Variants in DNAH3 observed in about 807,000 individuals in gnomAD.
The protein encoded by DNAH3 is dynein axonemal heavy chain 3, also known as axonemal beta dynein heavy chain 3.
Under a neutral mutation model 432.5 loss-of-function variants are expected in DNAH3, and 332 were observed. The ratio of observed to expected loss-of-function variants is 0.77; its 90% confidence interval spans 0.70 to 0.84. DNAH3 has a LOEUF of 0.84. Among genes scored for constraint, DNAH3 ranks in the 40% least tolerant of loss-of-function variants. DNAH3 has a pLI of 0.00. For missense variants in DNAH3, 4,861 were observed against 5,114.0 expected (o/e 0.95, Z 1.51); for synonymous variants, 1,956 against 1,900.2 (o/e 1.03, Z -0.76).
intron 1 of DNAH3, among the ~76,000 whole-genome samples, chr16:21,154,927 T>C (rs1195484873): frequency 6.6e-6 from 1 of 151,710 alleles, no homozygotes; most frequent in East Asian, 1.9e-4. Flanking sequence ...GCTTCAAGTT[T>C]CTCAATCTTC....
At chr16:21,134,491 T>C (rs748580981) in intron 6 of DNAH3, 37 bp from the exon 8 acceptor site, 1 of 1,579,156 alleles carries the variant, frequency 6.3e-7, no homozygotes, top group South Asian at 1.1e-5. Context: ...ATTATTAAGC[T>C]CTAAGGGTTG....
At chr16:21,134,477 C>A (rs1204575568) in intron 6 of DNAH3, 23 bp from the exon 8 acceptor site, 3 of 1,605,430 alleles carry the variant, frequency 1.9e-6, no homozygotes, top group African/African-American at 1.3e-5. Flanking sequence ...AGGGCGAACA[C>A]CTCATTATTA....
At chr16:21,109,276 A>C (rs2092016759) in intron 14 of DNAH3, among the ~76,000 whole-genome samples, 1 of 151,892 alleles carries the variant, frequency 6.6e-6, no homozygotes, top group South Asian at 2.1e-4. Context: ...TGAGGTCAAA[A>C]TGGGTTAATT....
chr16:21,062,199 G>A lies in DNAH3; in HGVS notation c.3720+283C>T, dbSNP rs144154339. 2.8e-4 allele frequency among the ~76,000 whole-genome samples: 42 copies of A among 152,158 alleles called. 1 individual carries two copies. The East Asian group carries it at 3.5e-3, about 13-fold the overall frequency. ...TGCACATGGAAATCTAAACAGCATC[G>A]GCTGTTTGGATCTGATTCCTGCAAT... On this transcript the variant is annotated intron_variant, in intron 25 of 61. Coordinates refer to ENST00000261383, the Ensembl canonical transcript of DNAH3.
intron 31 of DNAH3, 53 bp from the exon 32 acceptor site, chr16:21,042,256 C>T: frequency 1.3e-6 from 2 of 1,522,438 alleles, no homozygotes; most frequent in Non-Finnish European, 1.8e-6. Context: ...CTGACAACCA[C>T]CCTACTCTAC....
chr16:21,002,522 C>T (rs1014837332), intron 42 of DNAH3, among the ~76,000 whole-genome samples: 9 of 151,906 alleles, frequency 5.9e-5, no homozygotes, highest in Non-Finnish European at 1.5e-5. Flanking sequence ...AGTGCAATGG[C>T]GCGATCTCGG....
At chr16:21,120,591 G>A (rs1835261453) in intron 11 of DNAH3, 2 of 668,008 alleles carry the variant, frequency 3.0e-6, no homozygotes, top group South Asian at 1.7e-5. Flanking sequence ...AGGGCTGTGG[G>A]TGTCACTAGA....
At chr16:20,938,351 T>C (rs1423464627) in intron 59 of DNAH3, among the ~76,000 whole-genome samples, 2 of 151,362 alleles carry the variant, frequency 1.3e-5, no homozygotes, top group African/African-American at 2.4e-5. Flanking sequence ...GATCACGCCA[T>C]TGCACTCCAG....
intron 20 of DNAH3, among the ~76,000 whole-genome samples, chr16:21,080,530 T>C (rs1415789123): frequency 6.6e-6 from 1 of 152,228 alleles, no homozygotes; most frequent in African/African-American, 2.4e-5. Flanking sequence ...TAATTCAGAC[T>C]AGCTGCACTG....
At chr16:20,979,048 G>T (rs1477224457) in intron 50 of DNAH3, among the ~76,000 whole-genome samples, 1 of 150,922 alleles carries the variant, frequency 6.6e-6, no homozygotes, top group Non-Finnish European at 1.5e-5. Context: ...AAACTTAAGG[G>T]GTCATTAAAA....
chr16:20,937,856 G>A (rs966206062), intron 59 of DNAH3, among the ~76,000 whole-genome samples: 1 of 151,958 alleles, frequency 6.6e-6, no homozygotes, highest in Non-Finnish European at 1.5e-5. Flanking sequence ...TAAGGTGCAC[G>A]CCTGAGAAAA....
chr16:21,001,474 C>T (rs962022050), intron 42 of DNAH3, among the ~76,000 whole-genome samples: 9 of 152,082 alleles, frequency 5.9e-5, no homozygotes, highest in African/African-American at 1.7e-4. Context: ...AAAACTGGAC[C>T]GTGATGCAAA....
chr16:21,154,061 G>C (rs1230815667), intron 1 of DNAH3, among the ~76,000 whole-genome samples: 1 of 152,176 alleles, frequency 6.6e-6, no homozygotes, highest in African/African-American at 2.4e-5. Flanking sequence ...TACTGGGTGT[G>C]AAACCTCATG....
At chr16:21,132,553 C>T (rs780126139) in intron 7 of DNAH3, among the ~76,000 whole-genome samples, 37 of 152,108 alleles carry the variant, frequency 2.4e-4, no homozygotes, top group Admixed American at 9.2e-4. Context: ...ATTAGTATGC[C>T]GCCATAAAAA....
intron 19 of DNAH3, among the ~76,000 whole-genome samples, 177 bp downstream of exon 19, chr16:21,086,672 A>C (rs764507788): frequency 6.6e-6 from 1 of 152,184 alleles, no homozygotes; most frequent in Non-Finnish European, 1.5e-5. Context: ...GGGGGCAGGG[A>C]GTTCATTCTC....
chr16:21,111,709 A>G (rs1162340573), exon 14 of DNAH3: 1 of 1,614,086 alleles, frequency 6.2e-7, no homozygotes, highest in Non-Finnish European at 8.5e-7. Flanking sequence ...AGAGATCATG[A>G]TTTAGGGCCG....
chr16:21,007,387 A>C (rs756947755), intron 41 of DNAH3, among the ~76,000 whole-genome samples: 5 of 151,554 alleles, frequency 3.3e-5, no homozygotes, highest in Non-Finnish European at 5.9e-5. Context: ...TAATTTTTGT[A>C]TTTTTTGTAG....
At chr16:21,089,088 C>T (rs1346136269) in intron 18 of DNAH3, among the ~76,000 whole-genome samples, 1 of 152,238 alleles carries the variant, frequency 6.6e-6, no homozygotes, top group Non-Finnish European at 1.5e-5. Flanking sequence ...GGCATCAGAA[C>T]TGCCAGGAGG....
At chr16:20,970,136 G>T in intron 51 of DNAH3, 146 bp from the exon 52 acceptor site, 1 of 760,628 alleles carries the variant, frequency 1.3e-6, no homozygotes, top group Non-Finnish European at 2.2e-6. Flanking sequence ...CGCTGGAGCT[G>T]GACAATGGCT....
Sources: allele counts gnomAD v4.1 joint callset (sites outside exome capture counted in the v4.1 genomes callset), GRCh38; gene constraint gnomAD v4.1.1; transcripts MANE v1.5; gene names NCBI Gene and HGNC (gene_info 2026-07-23, HGNC 2026-07-21).